Variants in GLIS1 observed in about 807,000 individuals in gnomAD.
The protein encoded by GLIS1 is GLIS family zinc finger 1, also known as zinc finger protein GLIS1.
GLIS1 carries 24 observed loss-of-function variants against 63.8 expected under a neutral mutation model. That is an observed-to-expected ratio of 0.38 (90% CI 0.27 to 0.53). The LOEUF (loss-of-function observed/expected upper bound fraction) is 0.53. Ranked by LOEUF, GLIS1 falls within the 20% of genes least tolerant of loss-of-function variation. The pLI is 0.85. For missense variants in GLIS1, 1,036 were observed against 1,074.1 expected, an observed-to-expected ratio of 0.96 and a Z score of 0.50; for synonymous variants, 450 against 482.5, an observed-to-expected ratio of 0.93 and a Z score of 0.88.
intron 2 of GLIS1, among the ~76,000 whole-genome samples, chr1:53,724,895 G>A (rs994383616): frequency 1.3e-5 from 2 of 152,006 alleles, no homozygotes; most frequent in African/African-American, 4.8e-5. Context: ...ATCACTGTAG[G>A]ATAATGAAAA....
intron 2 of GLIS1, among the ~76,000 whole-genome samples, chr1:53,615,180 A>T (rs1036388735): frequency 6.6e-6 from 1 of 152,178 alleles, no homozygotes; most frequent in African/African-American, 2.4e-5. Flanking sequence ...GGCAGGGGTC[A>T]GGAGGACACT....
chr1:53,629,993 A>G (rs919009266), intron 2 of GLIS1, among the ~76,000 whole-genome samples: 3 of 152,172 alleles, frequency 2.0e-5, no homozygotes, highest in African/African-American at 7.2e-5. Context: ...AGAATTCCAT[A>G]ATTGCATCTC....
chr1:53,720,863 T>C (rs1362341901), intron 2 of GLIS1, among the ~76,000 whole-genome samples: 2 of 152,166 alleles, frequency 1.3e-5, no homozygotes, highest in African/African-American at 2.4e-5. Context: ...CTGGGCATGG[T>C]AGCCGGAGTC....
chr1:53,626,772 G>A (rs1046354008), intron 2 of GLIS1, among the ~76,000 whole-genome samples: 1 of 152,126 alleles, frequency 6.6e-6, no homozygotes, highest in Non-Finnish European at 1.5e-5. Flanking sequence ...CTCCTCCGAG[G>A]TGCAGACCCC....
At chr1:53,621,755 G>A (rs1031222348) in intron 2 of GLIS1, among the ~76,000 whole-genome samples, 29 of 152,038 alleles carry the variant, frequency 1.9e-4, no homozygotes, top group Non-Finnish European at 3.8e-4. Context: ...TTCTTATTTC[G>A]TATTTGCTGT....
chr1:53,512,848 T>C (rs1027663444), intron 8 of GLIS1, among the ~76,000 whole-genome samples: 13 of 151,602 alleles, frequency 8.6e-5, no homozygotes, highest in Non-Finnish European at 1.3e-4. Flanking sequence ...TGGTTGGAGA[T>C]GTTTTTCGGC....
At chr1:53,579,252 C>T (rs959086714) in intron 4 of GLIS1, among the ~76,000 whole-genome samples, 1 of 152,168 alleles carries the variant, frequency 6.6e-6, no homozygotes, top group Non-Finnish European at 1.5e-5. Flanking sequence ...CCAATGGGGA[C>T]TGGACACTCC....
At chr1:53,546,104 C>T (rs537969345) in intron 4 of GLIS1, among the ~76,000 whole-genome samples, 24 of 152,348 alleles carry the variant, frequency 1.6e-4, no homozygotes, top group African/African-American at 4.6e-4. Flanking sequence ...ACCCACCCAC[C>T]GATGCACTGA....
chr1:53,579,207 G>A (rs537618624), intron 4 of GLIS1, among the ~76,000 whole-genome samples: 25 of 152,174 alleles, frequency 1.6e-4, no homozygotes, highest in Non-Finnish European at 2.8e-4. Flanking sequence ...ACTTGAGGAC[G>A]TCAATGAGAA....
chr1:53,531,924 G>A (rs568061493), intron 4 of GLIS1, among the ~76,000 whole-genome samples: 2 of 152,310 alleles, frequency 1.3e-5, no homozygotes, highest in African/African-American at 4.8e-5. Context: ...AAGATAGTGG[G>A]GTGACGCACA....
chr1:53,680,384 T>C (rs1188720489), intron 2 of GLIS1, among the ~76,000 whole-genome samples: 1 of 152,174 alleles, frequency 6.6e-6, no homozygotes, highest in Non-Finnish European at 1.5e-5. Context: ...GCCACGAGTG[T>C]GGTGCCCACC....
chr1:53,642,616 A>G (rs1267811551), intron 2 of GLIS1, among the ~76,000 whole-genome samples: 2 of 152,184 alleles, frequency 1.3e-5, no homozygotes, highest in Non-Finnish European at 2.9e-5. Context: ...TATCTCCTAC[A>G]GTAAAGCACT....
intron 2 of GLIS1, among the ~76,000 whole-genome samples, chr1:53,717,965 G>A (rs565674684): frequency 1.3e-5 from 2 of 152,286 alleles, no homozygotes; most frequent in East Asian, 3.9e-4. Context: ...CCCAGACCGT[G>A]ATTCCAGAGA....
intron 2 of GLIS1, among the ~76,000 whole-genome samples, chr1:53,650,503 T>G (rs751202451): frequency 6.6e-6 from 1 of 150,852 alleles, no homozygotes; most frequent in South Asian, 2.1e-4. Context: ...GGCAGGAGAA[T>G]TGCTTGAACC....
chr1:53,614,929 CAT>C (rs1645465048), intron 2 of GLIS1, among the ~76,000 whole-genome samples: 1 of 152,040 alleles, frequency 6.6e-6, no homozygotes, highest in African/African-American at 2.4e-5. Flanking sequence ...CTCTCACACA[CAT>C]ATGCATTCTC....
chr1:53,539,912 T>C lies in GLIS1; in HGVS notation c.1321-9960A>G, dbSNP rs903699183. On this transcript the variant is annotated intron_variant, in intron 4 of 10. Coordinates refer to ENST00000628545, the MANE Select transcript of GLIS1 (RefSeq NM_001367484.1). This position sits in a 1 kb window ranked among gnomAD's most constrained non-coding sequence, Gnocchi z 5.0. Reference sequence around the variant, plus strand: ...CTGACCTCTCTAGCCCAATGTCTACTTCCCTCCCCACGCTGCAGCCACAGG... The same window carrying C: ...CTGACCTCTCTAGCCCAATGTCTACCTCCCTCCCCACGCTGCAGCCACAGG... Among the ~76,000 whole-genome samples the C allele has an allele frequency of 6.6e-6, 1 of 152,122 alleles. No homozygotes were observed. Among genetic ancestry groups the C allele is most frequent in the African/African-American group, 2.4e-5 (1 of 41,402 alleles).
chr1:53,522,649 C>T (rs956301662), intron 6 of GLIS1, among the ~76,000 whole-genome samples: 5 of 152,174 alleles, frequency 3.3e-5, no homozygotes, highest in Non-Finnish European at 5.9e-5. Flanking sequence ...TGTTTCATGA[C>T]TCTAATCCCC....
At chr1:53,561,527 T>C (rs1201890209) in intron 4 of GLIS1, among the ~76,000 whole-genome samples, 1 of 152,212 alleles carries the variant, frequency 6.6e-6, no homozygotes, top group Non-Finnish European at 1.5e-5. Flanking sequence ...ACTCAGTTCA[T>C]AAATCTGCCC....
intron 2 of GLIS1, among the ~76,000 whole-genome samples, chr1:53,735,893 T>C (rs1005876894): frequency 2.0e-5 from 3 of 152,134 alleles, no homozygotes; most frequent in African/African-American, 2.4e-5. Context: ...AGCTTGCCTA[T>C]AGCAACACAG....
Sources: allele counts gnomAD v4.1 joint callset (sites outside exome capture counted in the v4.1 genomes callset), GRCh38; gene constraint gnomAD v4.1.1; non-coding constraint Gnocchi (gnomAD v3.1); transcripts MANE v1.5; gene names NCBI Gene and HGNC (gene_info 2026-07-23, HGNC 2026-07-21).